BNC2: variants seen among roughly 807,000 people sequenced by gnomAD.
The protein encoded by BNC2 is zinc finger protein basonuclin-2.
A neutral mutation model predicts 76.3 loss-of-function variants in BNC2; 20 were observed. That is an observed-to-expected ratio of 0.26 (90% CI 0.18 to 0.38). The LOEUF (loss-of-function observed/expected upper bound fraction) is 0.38. BNC2 is among the 10% of genes least tolerant of loss of function. BNC2 has a pLI of 1.00. For missense variants in BNC2, 1,382 were observed against 1,399.8 expected, an observed-to-expected ratio of 0.99 and a Z score of 0.20; for synonymous variants, 582 against 514.8, an observed-to-expected ratio of 1.13 and a Z score of -1.77.
At chr9:16,754,921 C>T (rs1198624743) in intron 1 of BNC2, among the ~76,000 whole-genome samples, 1 of 152,124 alleles carries the variant, frequency 6.6e-6, no homozygotes, top group African/African-American at 2.4e-5. Flanking sequence ...ATGCATCCAC[C>T]CAAGAAGCAC....
intron 1 of BNC2, among the ~76,000 whole-genome samples, chr9:16,822,854 T>C (rs562728945): frequency 2.6e-5 from 4 of 152,308 alleles, no homozygotes; most frequent in African/African-American, 9.6e-5. Flanking sequence ...ATTCTATAAA[T>C]TTGAATATTT....
chr9:16,781,249 C>CTGGATTCAAGACCTCATGTTATT (rs1826146155), intron 1 of BNC2, among the ~76,000 whole-genome samples: 1 of 152,062 alleles, frequency 6.6e-6, no homozygotes, highest in Non-Finnish European at 1.5e-5. Flanking sequence ...GTCTGAAGAT[C>CTGGATTCAAGACCTCATGTTATT]AGGGCTGGAC....
intron 1 of BNC2, among the ~76,000 whole-genome samples, chr9:16,857,262 G>C (rs1177883470): frequency 6.6e-6 from 1 of 151,976 alleles, no homozygotes; most frequent in Non-Finnish European, 1.5e-5. Flanking sequence ...CAGATCACCA[G>C]AGGTCAGGAG....
intron 3 of BNC2, among the ~76,000 whole-genome samples, chr9:16,677,465 C>T (rs888464897): frequency 7.9e-5 from 12 of 151,858 alleles, no homozygotes; most frequent in East Asian, 1.9e-4. Context: ...CCCAGCTACT[C>T]GGGAGGCTGA....
intron 1 of BNC2, chr9:16,867,311 A>C (rs1001058016): frequency 1.8e-4 from 27 of 151,872 alleles, no homozygotes; most frequent in Non-Finnish European, 3.4e-4. Context: ...GTACCATAGT[A>C]TTTATACACA....
intron 1 of BNC2, among the ~76,000 whole-genome samples, chr9:16,825,440 C>A (rs760123444): frequency 4.6e-5 from 7 of 152,136 alleles, no homozygotes; most frequent in Non-Finnish European, 1.0e-4. Flanking sequence ...TGGGCTGGAG[C>A]TTTGAGAAAG....
At chr9:16,741,957 C>CAAAAAAAAAAAAAAA (rs35573018) in intron 1 of BNC2, among the ~76,000 whole-genome samples, 1 of 79,404 alleles carries the variant, frequency 1.3e-5, no homozygotes, top group Non-Finnish European at 2.2e-5. Context: ...GGCTCCATCT[C>CAAAAAAAAAAAAAAA]AAAAAAAAAA....
rs908613725 is a variant in BNC2, at chr9:16,531,784, A to G, written c.669+20746T>C. Among the ~76,000 whole-genome samples the G allele has an allele frequency of 1.4e-4, 21 of 152,156 alleles. 1 individual carries two copies. The highest frequency in any genetic ancestry group is 4.6e-4 in the Admixed American group (7 of 15,276). On this transcript the variant is annotated intron_variant, in intron 5 of 6. Coordinates refer to ENST00000380672, the MANE Select transcript of BNC2 (RefSeq NM_017637.6). ...TTTGTCAACCCATCTAAATGAATTT[A>G]TCTAGAGATCTCCTGTATTCCCCCA...
chr9:16,462,076 T>G (rs921504522), intron 5 of BNC2, among the ~76,000 whole-genome samples: 1 of 152,178 alleles, frequency 6.6e-6, no homozygotes. Flanking sequence ...CCTATTAACA[T>G]TTAATGAGTG....
intron 1 of BNC2, among the ~76,000 whole-genome samples, chr9:16,858,091 T>C (rs1475717131): frequency 6.6e-6 from 1 of 152,224 alleles, no homozygotes; most frequent in Non-Finnish European, 1.5e-5. Flanking sequence ...TTGGAGATCA[T>C]ACAATAATTT....
chr9:16,840,840 G>A (rs1818806895), intron 1 of BNC2, among the ~76,000 whole-genome samples: 2 of 152,186 alleles, frequency 1.3e-5, no homozygotes, highest in African/African-American at 4.8e-5. Context: ...TATGCACTCA[G>A]ATTGGAAAAT....
intron 3 of BNC2, among the ~76,000 whole-genome samples, chr9:16,619,783 C>T (rs535220574): frequency 6.6e-6 from 1 of 152,234 alleles, no homozygotes; most frequent in East Asian, 1.9e-4. Context: ...CTGTAACACA[C>T]TCTAAGGGCA....
At chr9:16,806,902 G>A (rs1320875391) in intron 1 of BNC2, among the ~76,000 whole-genome samples, 1 of 152,294 alleles carries the variant, frequency 6.6e-6, no homozygotes, top group East Asian at 1.9e-4. Flanking sequence ...ATGCTGACCA[G>A]AAAGAGACCA....
chr9:16,726,505 A>G (rs1391740307), intron 3 of BNC2, among the ~76,000 whole-genome samples: 2 of 151,002 alleles, frequency 1.3e-5, no homozygotes, highest in African/African-American at 2.4e-5. Context: ...AACAACTTTA[A>G]ATATCTAACT....
At chr9:16,755,548 T>G (rs1825360625) in intron 1 of BNC2, among the ~76,000 whole-genome samples, 1 of 152,158 alleles carries the variant, frequency 6.6e-6, no homozygotes, top group Non-Finnish European at 1.5e-5. Flanking sequence ...CCATCCTTTC[T>G]TCCCCATCCC....
At chr9:16,629,375 T>C (rs1821094665) in intron 3 of BNC2, among the ~76,000 whole-genome samples, 1 of 152,212 alleles carries the variant, frequency 6.6e-6, no homozygotes, top group African/African-American at 2.4e-5. Context: ...GAAGATTCAC[T>C]ACATTAATTA....
At chr9:16,508,452 A>T (rs930614823) in intron 5 of BNC2, among the ~76,000 whole-genome samples, 6 of 152,156 alleles carry the variant, frequency 3.9e-5, no homozygotes, top group Non-Finnish European at 7.4e-5. Context: ...AAAAAACATC[A>T]TAATTCTTGT....
At chr9:16,811,244 A>AAAAAAAAAAAC (rs1554740517) in intron 1 of BNC2, among the ~76,000 whole-genome samples, 1 of 139,072 alleles carries the variant, frequency 7.2e-6, no homozygotes, top group Non-Finnish European at 1.6e-5. Context: ...AAAAAAAAAA[A>AAAAAAAAAAAC]CCAAAAAAAC....
At chr9:16,590,463 G>A (rs1819893197) in intron 3 of BNC2, among the ~76,000 whole-genome samples, 1 of 151,858 alleles carries the variant, frequency 6.6e-6, no homozygotes, top group African/African-American at 2.4e-5. Flanking sequence ...AAAGTGCTAG[G>A]ATTACAGGCA....
Sources: gnomAD v4.1 joint callset for allele counts (sites outside exome capture counted in the v4.1 genomes callset) on GRCh38, gnomAD v4.1.1 for gene constraint, MANE v1.5 for transcripts, NCBI Gene and HGNC (gene_info 2026-07-23, HGNC 2026-07-21) for gene names.